The following GPC5 variants were observed in gnomAD, a reference collection of about 807,000 sequenced individuals.
The protein encoded by GPC5 is glypican 5, also known as glypican-5.
GPC5 carries 47 observed loss-of-function variants against 53.9 expected under a neutral mutation model. The ratio of observed to expected loss-of-function variants is 0.87; its 90% CI spans 0.69 to 1.11. GPC5 has a LOEUF of 1.11. Ranked by LOEUF, GPC5 falls within the 50% of genes most tolerant of loss-of-function variation. The pLI is 0.00. For synonymous variants in GPC5, 286 were observed against 263.3 expected, an observed-to-expected ratio of 1.09 and a Z score of -0.84; for missense variants, 748 against 713.1, an observed-to-expected ratio of 1.05 and a Z score of -0.56.
chr13:92,219,809 T>A (rs965632087), intron 7 of GPC5, among the ~76,000 whole-genome samples: 6 of 152,118 alleles, frequency 3.9e-5, no homozygotes, highest in Non-Finnish European at 8.8e-5. Flanking sequence ...GACCACTACT[T>A]TATTTACATA....
At chr13:92,390,253 G>A (rs1000480756) in intron 7 of GPC5, among the ~76,000 whole-genome samples, 2 of 152,078 alleles carry the variant, frequency 1.3e-5, no homozygotes, top group Non-Finnish European at 2.9e-5. Context: ...ATTAGTCCCA[G>A]AAGATTTATG....
chr13:92,382,136 T>A (rs914191583), intron 7 of GPC5, among the ~76,000 whole-genome samples: 4 of 151,792 alleles, frequency 2.6e-5, no homozygotes, highest in Non-Finnish European at 5.9e-5. Flanking sequence ...AAACATCATA[T>A]GTTCTCACTG....
chr13:91,846,468 A>G (rs1481406599), intron 5 of GPC5, among the ~76,000 whole-genome samples: 1 of 152,134 alleles, frequency 6.6e-6, no homozygotes, highest in East Asian at 1.9e-4. Context: ...TAGAATTGAT[A>G]TAAGCATGTA....
intron 7 of GPC5, among the ~76,000 whole-genome samples, chr13:92,318,796 A>G (rs2043196907): frequency 6.6e-6 from 1 of 152,164 alleles, no homozygotes; most frequent in South Asian, 2.1e-4. Flanking sequence ...ACAAGGTACT[A>G]TCATTCCTAT....
At chr13:92,597,535 G>A (rs1594334279) in intron 7 of GPC5, among the ~76,000 whole-genome samples, 1 of 152,212 alleles carries the variant, frequency 6.6e-6, no homozygotes, top group African/African-American at 2.4e-5. Flanking sequence ...GTGCTTCTGG[G>A]TGGTGCGTGG....
chr13:92,630,071 C>T (rs1594363998), intron 7 of GPC5, among the ~76,000 whole-genome samples: 1 of 152,072 alleles, frequency 6.6e-6, no homozygotes, highest in Non-Finnish European at 1.5e-5. Context: ...GGAATTTATA[C>T]ACTTAAAGTA....
At chr13:91,936,087 A>C (rs2139038387) in intron 6 of GPC5, among the ~76,000 whole-genome samples, 1 of 152,134 alleles carries the variant, frequency 6.6e-6, no homozygotes, top group Non-Finnish European at 1.5e-5. Flanking sequence ...CAAGGTATAG[A>C]TATTTGTGAC....
chr13:92,101,256 T>G (rs188145728), intron 6 of GPC5, among the ~76,000 whole-genome samples: 2 of 152,336 alleles, frequency 1.3e-5, no homozygotes, highest in Admixed American at 1.3e-4. Context: ...GGAGGGGAAT[T>G]AAAATTTTAC....
intron 5 of GPC5, among the ~76,000 whole-genome samples, chr13:91,830,859 AT>A (rs1216233003): frequency 4.7e-5 from 6 of 126,428 alleles, no homozygotes; most frequent in South Asian, 2.2e-4. Context: ...TATATATCCT[AT>A]TATATATAAT....
intron 7 of GPC5, among the ~76,000 whole-genome samples, chr13:92,762,822 ATTCT>A (rs1329041145): frequency 3.3e-5 from 5 of 151,560 alleles, no homozygotes; most frequent in Admixed American, 2.6e-4. Context: ...CAAGTTAGAG[ATTCT>A]TTCTTCTTTT....
At position 92,178,966 on chromosome 13, in the gene GPC5, G is replaced by C. The variant is rs145576325; in HGVS notation, c.1561+33977G>C. On this transcript the variant is annotated intron_variant, in intron 7 of 7. Transcript: ENST00000377067. Reference sequence around the variant, plus strand: ...AGACTGGGTGACAGAGCGGGACCCTGTCTCAAAAAATAAATGAATAAATAA... The same window carrying C: ...AGACTGGGTGACAGAGCGGGACCCTCTCTCAAAAAATAAATGAATAAATAA... 1.2e-3 allele frequency among the ~76,000 whole-genome samples: 190 copies of C among 152,062 alleles called. 1 individual carries two copies. The highest frequency in any genetic ancestry group is 4.2e-3 in the African/African-American group (174 of 41,446).
At chr13:92,007,703 T>TA (rs2040619694) in intron 6 of GPC5, among the ~76,000 whole-genome samples, 1 of 152,172 alleles carries the variant, frequency 6.6e-6, no homozygotes, top group African/African-American at 2.4e-5. Flanking sequence ...ATTATTAATA[T>TA]AGTTTGATTT....
At chr13:92,719,461 C>G (rs1333318503) in intron 7 of GPC5, among the ~76,000 whole-genome samples, 3 of 152,070 alleles carry the variant, frequency 2.0e-5, no homozygotes, top group Non-Finnish European at 2.9e-5. Context: ...CATTCTATTC[C>G]TTCAGCATTT....
rs542607310 is a variant in GPC5 at position 91,513,582 on chromosome 13, A to T, written c.325+64660A>T. On this transcript the variant is annotated intron_variant, in intron 2 of 7. Transcript: ENST00000377067. ...ATAGTGAAACCCTGTCTCTACTAAA[A>T]ATACAAAAATTAGCCAGGCGTGATG... 3.9e-5 allele frequency among the ~76,000 whole-genome samples: 6 copies of T among 152,184 alleles called. No individual in the cohort carries two copies. The South Asian group carries it at 8.3e-4, about 21-fold the overall frequency.
At chr13:91,709,811 A>T (rs949119513) in intron 3 of GPC5, among the ~76,000 whole-genome samples, 6 of 152,216 alleles carry the variant, frequency 3.9e-5, no homozygotes, top group Non-Finnish European at 8.8e-5. Context: ...CTGATCATCA[A>T]CTTAAGAAAT....
intron 7 of GPC5, among the ~76,000 whole-genome samples, chr13:92,592,072 G>C (rs1312484734): frequency 6.6e-6 from 1 of 152,202 alleles, no homozygotes; most frequent in Non-Finnish European, 1.5e-5. Context: ...CATCAGTGGA[G>C]TTCTCTTCTA....
intron 7 of GPC5, among the ~76,000 whole-genome samples, chr13:92,692,949 G>A (rs542395332): frequency 6.6e-6 from 1 of 151,890 alleles, no homozygotes; most frequent in East Asian, 2.0e-4. Context: ...CTGGTGGGAG[G>A]TGATTAAATC....
At chr13:92,818,240 C>T (rs1288727493) in intron 7 of GPC5, among the ~76,000 whole-genome samples, 1 of 151,890 alleles carries the variant, frequency 6.6e-6, no homozygotes, top group Non-Finnish European at 1.5e-5. Flanking sequence ...GAACTCCTGA[C>T]CTCAGGTGAT....
chr13:91,531,164 A>G (rs1406388722), intron 2 of GPC5, among the ~76,000 whole-genome samples: 1 of 152,182 alleles, frequency 6.6e-6, no homozygotes, highest in Non-Finnish European at 1.5e-5. Flanking sequence ...TTGAGTAATG[A>G]TTTGATTTAG....
Sources: allele counts gnomAD v4.1 joint callset (sites outside exome capture counted in the v4.1 genomes callset), GRCh38; gene constraint gnomAD v4.1.1; transcripts MANE v1.5; gene names NCBI Gene and HGNC (gene_info 2026-07-23, HGNC 2026-07-21).